RCOR3: variants seen among roughly 807,000 people sequenced by gnomAD.
RCOR3 encodes the protein REST corepressor 3.
RCOR3 carries 13 observed loss-of-function variants against 64.1 expected under a neutral mutation model. The observed-to-expected ratio is 0.20, with a 90% CI of 0.13 to 0.32. RCOR3 has a LOEUF of 0.32. Among genes scored for constraint, RCOR3 ranks in the 10% least tolerant of loss-of-function variants. RCOR3 has a pLI of 1.00. For missense variants in RCOR3, 489 were observed against 701.2 expected (o/e 0.70, Z 3.42); for synonymous variants, 215 against 239.0 (o/e 0.90, Z 0.93).
intron 7 of RCOR3, among the ~76,000 whole-genome samples, chr1:211,288,891 G>A (rs2102568855): frequency 6.6e-6 from 1 of 152,138 alleles, no homozygotes; most frequent in East Asian, 1.9e-4. Context: ...ACATAGGAAA[G>A]TTTAGAGTCT....
intron 6 of RCOR3, 32 bp downstream of exon 6, chr1:211,278,273 T>G: frequency 6.2e-7 from 1 of 1,608,716 alleles, no homozygotes; most frequent in South Asian, 1.1e-5. Flanking sequence ...AGTTACATTG[T>G]TAGGGACACT....
intron 10 of RCOR3, among the ~76,000 whole-genome samples, chr1:211,306,558 C>T (rs1700871837): frequency 6.6e-6 from 1 of 152,034 alleles, no homozygotes; most frequent in African/African-American, 2.4e-5. Flanking sequence ...TTACAGTGAC[C>T]TGCAGAAAAA....
intron 9 of RCOR3, 38 bp downstream of exon 9, chr1:211,295,791 A>C (rs773758412): frequency 6.3e-7 from 1 of 1,574,864 alleles, no homozygotes; most frequent in South Asian, 1.1e-5. Flanking sequence ...AAGTATAGTG[A>C]AAACTTGTTT....
chr1:211,288,093 C>G (rs1264265547), intron 7 of RCOR3, among the ~76,000 whole-genome samples: 1 of 151,744 alleles, frequency 6.6e-6, no homozygotes, highest in African/African-American at 2.4e-5. Context: ...AACTGTAGTC[C>G]TGGCTACTCA....
intron 7 of RCOR3, among the ~76,000 whole-genome samples, chr1:211,282,818 TTC>T (rs760735460): frequency 3.9e-5 from 6 of 152,142 alleles, no homozygotes; most frequent in Non-Finnish European, 8.8e-5. Context: ...TAGTCTCACC[TTC>T]TCTCTAGAGG....
chr1:211,300,303 C>G lies in RCOR3; in HGVS notation c.1018-3780C>G, dbSNP rs1700249089. 1.3e-5 allele frequency among the ~76,000 whole-genome samples: 2 copies of G among 151,988 alleles called. 1 individual carries two copies. Among genetic ancestry groups the G allele is most frequent in the South Asian group, 4.2e-4 (2 of 4,818 alleles). On this transcript the variant is annotated intron_variant, in intron 9 of 11. Coordinates refer to ENST00000419091, the MANE Select transcript of RCOR3 (RefSeq NM_001136223.3). ...CAGGCTGGTCTCAAACTCCTGGGCT[C>G]AAGTGATCCACCTGCCTCGGCCTCC...
At chr1:211,304,010 T>G (rs1431818791) in intron 9 of RCOR3, 73 bp from the exon 10 acceptor site, 2 of 1,005,674 alleles carry the variant, frequency 2.0e-6, no homozygotes, top group African/African-American at 3.3e-5. Context: ...TTGATGAAAA[T>G]TTAAAAAAAT....
intron 9 of RCOR3, among the ~76,000 whole-genome samples, chr1:211,296,200 T>C (rs1053347392): frequency 1.3e-5 from 2 of 152,090 alleles, no homozygotes; most frequent in African/African-American, 2.4e-5. Context: ...TGGCTCAGCT[T>C]CCACTTATGA....
At chr1:211,265,146 T>C (rs530994299) in intron 2 of RCOR3, among the ~76,000 whole-genome samples, 5 of 152,354 alleles carry the variant, frequency 3.3e-5, no homozygotes, top group African/African-American at 1.2e-4. Flanking sequence ...CACGTATTTT[T>C]AGTCGACATC....
intron 10 of RCOR3, among the ~76,000 whole-genome samples, chr1:211,305,019 A>G (rs905931128): frequency 1.1e-4 from 17 of 152,112 alleles, no homozygotes; most frequent in Non-Finnish European, 1.5e-4. Context: ...TGGGGCCCCA[A>G]TGAAACATAT....
In RCOR3 at chr1:211,314,654, G is replaced by A. The variant is rs1701775980; in HGVS notation, c.*886G>A. ...TTTAACTAGTAGTTGCCTACATCTGGGGACTTCAGAGAAGAATTATATTTT... is the reference window on the plus strand; with the variant it reads ...TTTAACTAGTAGTTGCCTACATCTGAGGACTTCAGAGAAGAATTATATTTT... On this transcript the variant is annotated 3_prime_UTR_variant, in exon 12 of 12. Transcript: ENST00000419091. 6.6e-6 allele frequency: 1 copy of A among 152,034 alleles called. No homozygotes were observed. The highest frequency in any genetic ancestry group is 6.6e-5 in the Admixed American group (1 of 15,266). 9.4% of individuals were successfully genotyped at this position (152,034 alleles called of 1,614,324 possible).
At chr1:211,263,319 C>T (rs1694678164) in intron 2 of RCOR3, among the ~76,000 whole-genome samples, 1 of 151,948 alleles carries the variant, frequency 6.6e-6, no homozygotes, top group African/African-American at 2.4e-5. Flanking sequence ...TGTTAACCAA[C>T]TTAATTGACG....
Position 211,260,011 on chromosome 1 carries a change from C to T in RCOR3, c.167-97C>T, listed in dbSNP as rs1008614107. The T allele has an allele frequency of 5.0e-6, 7 of 1,411,140 alleles. No individual in the cohort carries two copies. In the African/African-American group the frequency reaches 8.9e-5, roughly 18 times the overall value. 87.4% of individuals were successfully genotyped at this position (1,411,140 alleles called of 1,614,324 possible). On this transcript the variant is annotated intron_variant, in intron 1 of 11. Coordinates refer to ENST00000419091, the MANE Select transcript of RCOR3 (RefSeq NM_001136223.3). ...TTCCCATCCACCCGCCGCTTCTTTCCTCCATCTAGCGATTTTTATTTTTTA... is the reference window on the plus strand; with the variant it reads ...TTCCCATCCACCCGCCGCTTCTTTCTTCCATCTAGCGATTTTTATTTTTTA...
chr1:211,306,245 A>G (rs1461891710), intron 10 of RCOR3, among the ~76,000 whole-genome samples: 1 of 152,104 alleles, frequency 6.6e-6, no homozygotes, highest in Admixed American at 6.5e-5. Context: ...ATCATGTAGT[A>G]ACGTCCCCTG....
intron 7 of RCOR3, among the ~76,000 whole-genome samples, chr1:211,283,850 T>A (rs1295765783): frequency 6.6e-6 from 1 of 151,702 alleles, no homozygotes; most frequent in African/African-American, 2.4e-5. Context: ...ACTGCGTATT[T>A]GTCTTTTTCT....
At position 211,271,371 on chromosome 1, in the gene RCOR3, A is replaced by G. The variant is rs193078660; in HGVS notation, c.301+62A>G. The G allele has an allele frequency of 5.3e-5, 71 of 1,351,312 alleles. No homozygotes were observed. In the Admixed American group the frequency reaches 9.6e-4, roughly 18 times the overall value. The allele number at this position is 1,351,312 out of a possible 1,614,324, so 83.7% of individuals were successfully genotyped here. On this transcript the variant is annotated intron_variant, in intron 3 of 11. Transcript: ENST00000419091. Reference sequence around the variant, plus strand: ...AGTTTATCAGCCAATTCAAAATATGACTTACGTTTGTTTTTGGGTCTTATA... The same window carrying G: ...AGTTTATCAGCCAATTCAAAATATGGCTTACGTTTGTTTTTGGGTCTTATA...
At chr1:211,259,822 C>T (rs1693870195) in intron 1 of RCOR3, 96 bp downstream of exon 1, 1 of 1,206,016 alleles carries the variant, frequency 8.3e-7, no homozygotes, top group Non-Finnish European at 1.1e-6. Context: ...GCCCTCCCTC[C>T]CCTCAGAGCC....
chr1:211,262,327 G>A (rs1360405885), intron 2 of RCOR3, among the ~76,000 whole-genome samples: 1 of 151,938 alleles, frequency 6.6e-6, no homozygotes, highest in African/African-American at 2.4e-5. Flanking sequence ...GAGCCATCGC[G>A]CCCAGCCTAT....
chr1:211,307,260 A>AG (rs1007428037), intron 10 of RCOR3, among the ~76,000 whole-genome samples: 1 of 152,120 alleles, frequency 6.6e-6, no homozygotes, highest in African/African-American at 2.4e-5. Flanking sequence ...AGGCTGAGGT[A>AG]GGTGGATCAC....
Sources: allele counts gnomAD v4.1 joint callset (sites outside exome capture counted in the v4.1 genomes callset), GRCh38; gene constraint gnomAD v4.1.1; transcripts MANE v1.5; gene names NCBI Gene and HGNC (gene_info 2026-07-23, HGNC 2026-07-21).